The following NAMPT variants were observed in gnomAD, a reference collection of about 807,000 sequenced individuals.
NAMPT encodes nicotinamide phosphoribosyltransferase, also known as NAmPRTase.
NAMPT carries 7 observed loss-of-function variants against 58.7 expected under a neutral mutation model. The ratio of observed to expected loss-of-function variants is 0.12; its 90% CI spans 0.07 to 0.22. The LOEUF (loss-of-function observed/expected upper bound fraction) is 0.22, where lower values mean the gene tolerates loss of function less well. Among genes scored for constraint, NAMPT ranks in the 10% least tolerant of loss-of-function variants. NAMPT has a pLI of 1.00. For synonymous variants in NAMPT, 145 were observed against 198.1 expected (o/e 0.73, Z 2.25); for missense variants, 271 against 567.9 (o/e 0.48, Z 5.31).
At position 106,284,966 on chromosome 7, in the gene NAMPT, T is replaced by C. The variant is rs982303422; in HGVS notation, c.-82A>G. 1.3e-6 allele frequency: 2 copies of C among 1,530,296 alleles called. No individual in the cohort carries two copies. Among genetic ancestry groups the C allele is most frequent in the African/African-American group, 1.4e-5 (1 of 72,444 alleles). 94.8% of individuals were successfully genotyped at this position (1,530,296 alleles called of 1,614,324 possible). On this transcript the variant is annotated 5_prime_UTR_variant, in exon 1 of 11. Transcript: ENST00000222553. ...AGGAGAAAAATGAGCTTCACCGCGCTCCGTTGCTTAAGTCACTGCTCGGTC... is the reference window on the plus strand; with the variant it reads ...AGGAGAAAAATGAGCTTCACCGCGCCCCGTTGCTTAAGTCACTGCTCGGTC...
chr7:106,278,511 T>C (rs1792695463), intron 1 of NAMPT, among the ~76,000 whole-genome samples: 1 of 152,180 alleles, frequency 6.6e-6, no homozygotes, highest in Non-Finnish European at 1.5e-5. Flanking sequence ...TCAGGGCTTA[T>C]TAAGGTTAGA....
chr7:106,262,154 T>A (rs1792315702), intron 7 of NAMPT, among the ~76,000 whole-genome samples: 1 of 152,134 alleles, frequency 6.6e-6, no homozygotes, highest in Non-Finnish European at 1.5e-5. Context: ...TCCAGTTCAA[T>A]CACAAAGTTC....
intron 8 of NAMPT, among the ~76,000 whole-genome samples, chr7:106,257,683 G>A (rs538260267): frequency 6.6e-6 from 1 of 151,910 alleles, no homozygotes; most frequent in Non-Finnish European, 1.5e-5. Flanking sequence ...GGAAAGAAAA[G>A]AAGGAAAAGA....
chr7:106,257,896 T>TGG (rs1562812761), intron 8 of NAMPT, among the ~76,000 whole-genome samples: 1 of 150,738 alleles, frequency 6.6e-6, no homozygotes, highest in Non-Finnish European at 1.5e-5. Context: ...GGGGGAGGGG[T>TGG]GTGTGTGTGT....
At position 106,254,218 on chromosome 7, in the gene NAMPT, T is replaced by C. The variant is rs188046941; in HGVS notation, c.1230+146A>G. ...ATTACCTAATATCTCCCTTCTTTCC[T>C]TGTTTCTGAGTTAAGGTCAGTAGTA... is the stretch of plus-strand genomic sequence containing the variant. On this transcript the variant is annotated intron_variant, in intron 9 of 10. Coordinates refer to ENST00000222553, the MANE Select transcript of NAMPT (RefSeq NM_005746.3). The C allele has an allele frequency of 2.5e-3, 1,998 of 797,118 alleles. 72 individuals carry two copies. In the Admixed American group the frequency reaches 0.049, roughly 20 times the overall value. The allele number at this position is 797,118 out of a possible 1,614,324, so 49.4% of individuals were successfully genotyped here. A position where few individuals can be genotyped will look rare whatever the true frequency, so the allele number is the denominator to read the frequency against.
At position 106,260,415 on chromosome 7, in the gene NAMPT, C is replaced by A. The variant is rs1792282937; in HGVS notation, c.1089+1173G>T. Among the ~76,000 whole-genome samples the A allele has an allele frequency of 2.0e-5, 3 of 152,260 alleles. No homozygotes were observed. In the South Asian group the frequency reaches 6.2e-4, roughly 31 times the overall value. ...ACAGAATTGAAACGAGGGCCTTGCT[C>A]TGGATTAGGCTTTAGCCTAAGGAAA... On this transcript the variant is annotated intron_variant, in intron 8 of 10. Coordinates refer to ENST00000222553, the MANE Select transcript of NAMPT (RefSeq NM_005746.3).
chr7:106,252,712 T>A (rs1792124321), intron 10 of NAMPT, among the ~76,000 whole-genome samples: 1 of 152,128 alleles, frequency 6.6e-6, no homozygotes, highest in South Asian at 2.1e-4. Flanking sequence ...CCAAATCAAG[T>A]CACCTTGTTT....
intron 8 of NAMPT, among the ~76,000 whole-genome samples, chr7:106,258,410 C>A (rs1027113297): frequency 1.3e-5 from 2 of 152,186 alleles, no homozygotes; most frequent in South Asian, 2.1e-4. Flanking sequence ...GCTGTAGATA[C>A]CATCTGAGAT....
At chr7:106,259,791 T>C (rs1185080515) in intron 8 of NAMPT, among the ~76,000 whole-genome samples, 1 of 152,134 alleles carries the variant, frequency 6.6e-6, no homozygotes, top group Non-Finnish European at 1.5e-5. Context: ...ACGGACGTTG[T>C]GTTAGCAGGC....
chr7:106,267,050 ACAAG>A (rs980496356), intron 6 of NAMPT, among the ~76,000 whole-genome samples: 8 of 152,204 alleles, frequency 5.3e-5, no homozygotes, highest in Non-Finnish European at 1.2e-4. Context: ...AATGCTTGAT[ACAAG>A]ATAAGCATGC....
intron 10 of NAMPT, among the ~76,000 whole-genome samples, chr7:106,252,702 C>G (rs539041038): frequency 1.5e-4 from 23 of 152,152 alleles, no homozygotes; most frequent in Non-Finnish European, 2.8e-4. Flanking sequence ...ATTATGTAAT[C>G]CAAATCAAGT....
At chr7:106,259,400 G>T (rs1023315086) in intron 8 of NAMPT, among the ~76,000 whole-genome samples, 3 of 152,120 alleles carry the variant, frequency 2.0e-5, no homozygotes, top group African/African-American at 7.2e-5. Context: ...CTAGAATGGT[G>T]AACCCTTTCA....
At chr7:106,256,293 C>T (rs1054646522) in intron 8 of NAMPT, among the ~76,000 whole-genome samples, 3 of 152,172 alleles carry the variant, frequency 2.0e-5, no homozygotes, top group Non-Finnish European at 2.9e-5. Context: ...CATTTTGGTA[C>T]ACAGTGCAAA....
intron 1 of NAMPT, among the ~76,000 whole-genome samples, chr7:106,277,995 A>G (rs1340096433): frequency 6.6e-6 from 1 of 152,240 alleles, no homozygotes; most frequent in Admixed American, 6.5e-5. Flanking sequence ...TGGAAGAATA[A>G]TGTGTATCTG....
At chr7:106,275,213 G>C in intron 2 of NAMPT, 164 bp from the exon 3 acceptor site, 1 of 426,150 alleles carries the variant, frequency 2.3e-6, no homozygotes, top group Non-Finnish European at 4.2e-6. Flanking sequence ...GTCAGAAAAG[G>C]AATTTGTACT....
rs1446662107 is a variant in NAMPT at position 106,248,895 on chromosome 7, C to T, written c.*2188G>A. ...TTAATCAGTTCCAAGTGACTAAGAG[C>T]CAATAGAATTAATCTCCATCTCCTG... On this transcript the variant is annotated 3_prime_UTR_variant, in exon 11 of 11. Transcript: ENST00000222553. 2 of 151,978 alleles carry T rather than the reference C, an allele frequency of 1.3e-5. No homozygotes were observed. The highest frequency in any genetic ancestry group is 4.8e-5 in the African/African-American group (2 of 41,410). The allele number at this position is 151,978 out of a possible 1,614,324, so 9.4% of individuals were successfully genotyped here.
chr7:106,273,277 T>G (rs1355749586), intron 3 of NAMPT, among the ~76,000 whole-genome samples: 1 of 152,202 alleles, frequency 6.6e-6, no homozygotes, highest in Admixed American at 6.5e-5. Flanking sequence ...AATGTAATAA[T>G]TGCCTCCAAA....
intron 1 of NAMPT, among the ~76,000 whole-genome samples, chr7:106,283,278 G>A (rs1327753430): frequency 1.3e-5 from 2 of 151,954 alleles, no homozygotes; most frequent in African/African-American, 2.4e-5. Flanking sequence ...AAACCTTTAA[G>A]ATAATTCACT....
intron 3 of NAMPT, 112 bp from the exon 4 acceptor site, chr7:106,272,770 T>C: frequency 8.6e-7 from 1 of 1,169,470 alleles, no homozygotes; most frequent in Non-Finnish European, 1.2e-6. Flanking sequence ...GTCATAGAAA[T>C]TGCAATTGTA....
Sources: gnomAD v4.1 joint callset for allele counts (sites outside exome capture counted in the v4.1 genomes callset) on GRCh38, gnomAD v4.1.1 for gene constraint, MANE v1.5 for transcripts, NCBI Gene and HGNC (gene_info 2026-07-23, HGNC 2026-07-21) for gene names.